The following GDAP2 variants were observed in gnomAD, a reference collection of about 807,000 sequenced individuals.
GDAP2 encodes the protein ganglioside-induced differentiation-associated protein 2.
GDAP2 carries 51 observed loss-of-function variants against 67.0 expected under a neutral mutation model. The ratio of observed to expected loss-of-function variants is 0.76; its 90% confidence interval spans 0.61 to 0.96. GDAP2 has a LOEUF of 0.96. GDAP2 is among the 40% of genes least tolerant of loss of function. The probability of loss-of-function intolerance (pLI) is 0.00; values close to 1 mark genes in which losing one functional copy is unlikely to be tolerated. For missense variants in GDAP2, 547 were observed against 588.3 expected, an observed-to-expected ratio of 0.93 and a Z score of 0.73; for synonymous variants, 203 against 207.3, an observed-to-expected ratio of 0.98 and a Z score of 0.18.
At chr1:117,890,194 G>A (rs1649020369) in intron 8 of GDAP2, among the ~76,000 whole-genome samples, 1 of 151,964 alleles carries the variant, frequency 6.6e-6, no homozygotes, top group Admixed American at 6.6e-5. Context: ...GAAGGAGGTG[G>A]GGTGAGAAGG....
At position 117,865,713 on chromosome 1, in the gene GDAP2, A is replaced by G. The variant is rs868655437; in HGVS notation, c.*4856T>C. ...AGTGTAATTCACCTACAGAATACCT[A>G]TGCTTTTCTTCCTGAACTCAGTGGT... On this transcript the variant is annotated 3_prime_UTR_variant, in exon 14 of 14. Transcript: ENST00000369443. The G allele has an allele frequency of 1.3e-5, 2 of 152,360 alleles. No homozygotes were observed. Among genetic ancestry groups the G allele is most frequent in the African/African-American group, 4.8e-5 (2 of 41,580 alleles). The allele number at this position is 152,360 out of a possible 1,614,324, so 9.4% of individuals were successfully genotyped here.
chr1:117,870,661 A>G, intron 13 of GDAP2, 45 bp from the exon 14 acceptor site: 1 of 1,235,452 alleles, frequency 8.1e-7, no homozygotes, highest in Non-Finnish European at 1.2e-6. Flanking sequence ...AACAGAACCA[A>G]TTTAACTGGA....
intron 11 of GDAP2, chr1:117,882,914 T>A (rs1279987916): frequency 6.6e-6 from 1 of 151,980 alleles, no homozygotes; most frequent in Non-Finnish European, 1.5e-5. Flanking sequence ...GAAAAAAAAA[T>A]AAGAAAAAAT....
chr1:117,880,532 G>A (rs1648616475), intron 12 of GDAP2, among the ~76,000 whole-genome samples: 2 of 152,154 alleles, frequency 1.3e-5, no homozygotes, highest in South Asian at 4.1e-4. Flanking sequence ...TAAAGTGGAG[G>A]AGAGAAAAAT....
At chr1:117,906,382 C>T (rs1423653856) in intron 6 of GDAP2, 124 bp downstream of exon 6, 1 of 614,848 alleles carries the variant, frequency 1.6e-6, no homozygotes, top group Non-Finnish European at 2.9e-6. Flanking sequence ...GACCCACTGT[C>T]AAATACATAC....
At chr1:117,870,959 C>A (rs1648237021) in intron 13 of GDAP2, among the ~76,000 whole-genome samples, 2 of 152,148 alleles carry the variant, frequency 1.3e-5, no homozygotes, top group South Asian at 4.1e-4. Flanking sequence ...AACTGAGGAT[C>A]ACACAGATTG....
At position 117,898,875 on chromosome 1, in the gene GDAP2, T is replaced by C. The variant is rs147320558; in HGVS notation, c.796+182A>G. 8.0e-4 allele frequency among the ~76,000 whole-genome samples: 122 copies of C among 152,338 alleles called. 1 individual carries two copies. The highest frequency in any genetic ancestry group is 6.8e-3 in the Middle Eastern group (2 of 294). On this transcript the variant is annotated intron_variant, in intron 7 of 13. Coordinates refer to ENST00000369443, the MANE Select transcript of GDAP2 (RefSeq NM_017686.4). Reference sequence around the variant, plus strand: ...AACACAGACTTGACGTATATCTATCTAGCTATACTTTTATTTTTAATTTCA... The same window carrying C: ...AACACAGACTTGACGTATATCTATCCAGCTATACTTTTATTTTTAATTTCA...
intron 6 of GDAP2, 102 bp downstream of exon 6, chr1:117,906,404 G>T: frequency 1.5e-6 from 1 of 672,030 alleles, no homozygotes. Flanking sequence ...TAGATCATTA[G>T]GATTTGTCTG....
intron 3 of GDAP2, among the ~76,000 whole-genome samples, chr1:117,917,234 C>G (rs1273465975): frequency 6.6e-6 from 1 of 152,048 alleles, no homozygotes; most frequent in African/African-American, 2.4e-5. Flanking sequence ...CATCCAGTAT[C>G]TCCTGTTACT....
intron 1 of GDAP2, among the ~76,000 whole-genome samples, chr1:117,920,737 GA>G (rs34582428): frequency 0.11 from 13,437 of 120,162 alleles, 1,178 homozygotes; most frequent in East Asian, 0.36. Context: ...GCCTACTATT[GA>G]AAAAAAAAAA....
At chr1:117,906,699 C>G in intron 5 of GDAP2, 117 bp from the exon 6 acceptor site, 1 of 631,152 alleles carries the variant, frequency 1.6e-6, no homozygotes, top group Non-Finnish European at 2.8e-6. Context: ...TCATTCAGCA[C>G]TCTGCTTAGT....
chr1:117,895,668 A>C (rs1649238092), intron 8 of GDAP2, among the ~76,000 whole-genome samples: 1 of 152,176 alleles, frequency 6.6e-6, no homozygotes, highest in African/African-American at 2.4e-5. Context: ...GTATCATTTG[A>C]CTGTGACTGC....
intron 13 of GDAP2, chr1:117,877,375 G>A (rs1158716167): frequency 3.1e-5 from 30 of 983,064 alleles, no homozygotes; most frequent in Non-Finnish European, 3.5e-5. Flanking sequence ...TCAGCTTGAT[G>A]AGCTTTTGGC....
intron 8 of GDAP2, among the ~76,000 whole-genome samples, chr1:117,895,706 C>T (rs1405755310): frequency 6.6e-6 from 1 of 152,142 alleles, no homozygotes; most frequent in African/African-American, 2.4e-5. Flanking sequence ...TTCCTTGGTG[C>T]CCCCTAGTGG....
At chr1:117,903,897 T>C (rs1377669801) in intron 6 of GDAP2, among the ~76,000 whole-genome samples, 1 of 152,190 alleles carries the variant, frequency 6.6e-6, no homozygotes, top group South Asian at 2.1e-4. Flanking sequence ...AGATTTACTG[T>C]ATAAGGTAAA....
chr1:117,918,657 A>T lies in GDAP2; in HGVS notation c.256T>A (p.Ser86Thr). The change falls in exon 3 of 14, where the codon TCA (serine) becomes ACA (threonine). Residue 86 changes from serine (S) to threonine (T), a missense_variant. By Grantham distance (58) the Ser-to-Thr change is moderately conservative (BLOSUM62 1). Transcript: ENST00000369443. ...NESLTDKNPV[S>T]ESIFMLAGPD... ...CCTGCAAGCATGAAGATACTTTCTG[A>T]CACAGGATTCTTATCTGTGAGACTT... 2.5e-6 allele frequency: 4 copies of T among 1,608,026 alleles called. No individual in the cohort carries two copies. Among genetic ancestry groups the T allele is most frequent in the Non-Finnish European group, 3.4e-6 (4 of 1,174,498 alleles).
At position 117,883,613 on chromosome 1, in the gene GDAP2, G is replaced by T; in HGVS notation, c.1122C>A (p.Phe374Leu). ...CAGCAATGTGATCCATTACATGAATGAAATATAAGAGAGCCTAAAAGATAA... is the reference window on the plus strand; with the variant it reads ...CAGCAATGTGATCCATTACATGAATTAAATATAAGAGAGCCTAAAAGATAA... Reference protein sequence around the residue: ...LIDMDKALLYFIHVMDHIAVK... With the variant: ...LIDMDKALLYLIHVMDHIAVK... Residue 374 changes from phenylalanine (F) to leucine (L), a missense_variant, in exon 11 of 14, where the codon TTC (phenylalanine) becomes TTA (leucine). Transcript: ENST00000369443. 6.2e-7 allele frequency: 1 copy of T among 1,600,866 alleles called. No homozygotes were observed. Among genetic ancestry groups the T allele is most frequent in the South Asian group, 1.1e-5 (1 of 90,366 alleles).
At chr1:117,886,382 T>C (rs1191630985) in intron 10 of GDAP2, among the ~76,000 whole-genome samples, 195 bp downstream of exon 10, 1 of 152,204 alleles carries the variant, frequency 6.6e-6, no homozygotes, top group Non-Finnish European at 1.5e-5. Flanking sequence ...GTATTTTTTA[T>C]TTCTTGGACA....
Position 117,918,634 on chromosome 1 carries a change from T to C in GDAP2, c.279A>G (p.Ala93=), listed in dbSNP as rs764689982. 4 of 1,609,960 alleles carry C rather than the reference T, an allele frequency of 2.5e-6. No individual in the cohort carries two copies. Among genetic ancestry groups the C allele is most frequent in the Middle Eastern group, 3.3e-4 (2 of 6,050 alleles). The change falls in exon 3 of 14, where the codon GCA becomes GCG. Residue 93 remains alanine, a synonymous_variant. Transcript: ENST00000369443. ...NPVSESIFML[A]GPDLKEDLQK... ...GGAGATCTTCCTTCAAATCAGGCCC[T>C]GCAAGCATGAAGATACTTTCTGACA...
Sources: allele counts gnomAD v4.1 joint callset (sites outside exome capture counted in the v4.1 genomes callset), GRCh38; gene constraint gnomAD v4.1.1; transcripts MANE v1.5; gene names NCBI Gene and HGNC (gene_info 2026-07-23, HGNC 2026-07-21).